Variants in BACH2 observed in about 807,000 individuals in gnomAD.
The protein encoded by BACH2 is transcription regulator protein BACH2.
BACH2 carries 5 observed loss-of-function variants against 61.8 expected under a neutral mutation model. The observed-to-expected ratio is 0.08, with a 90% confidence interval of 0.04 to 0.17. BACH2 has a LOEUF of 0.17. Among genes scored for constraint, BACH2 ranks in the 10% least tolerant of loss-of-function variants. The probability of loss-of-function intolerance (pLI) is 1.00; values close to 1 mark genes in which losing one functional copy is unlikely to be tolerated. For synonymous variants in BACH2, 446 were observed against 440.1 expected, an observed-to-expected ratio of 1.01 and a Z score of -0.17; for missense variants, 824 against 1,091.1, an observed-to-expected ratio of 0.76 and a Z score of 3.45.
chr6:90,034,359 T>C (rs1312669770), intron 5 of BACH2, among the ~76,000 whole-genome samples: 3 of 152,166 alleles, frequency 2.0e-5, no homozygotes, highest in Non-Finnish European at 4.4e-5. Flanking sequence ...AAAAGCTTTA[T>C]TGTACAGACT....
chr6:90,085,202 G>C (rs865903705), intron 5 of BACH2, among the ~76,000 whole-genome samples: 2 of 152,158 alleles, frequency 1.3e-5, no homozygotes, highest in African/African-American at 4.8e-5. Context: ...TTCACTTGGA[G>C]AATGTAAAAC....
intron 3 of BACH2, among the ~76,000 whole-genome samples, chr6:90,212,193 C>T (rs1483216115): frequency 6.6e-6 from 1 of 151,256 alleles, no homozygotes; most frequent in Admixed American, 6.6e-5. Context: ...AGACTTTCAA[C>T]TGAAAAAATA....
intron 2 of BACH2, among the ~76,000 whole-genome samples, chr6:90,260,103 T>C (rs1171012644): frequency 1.3e-5 from 2 of 152,130 alleles, no homozygotes; most frequent in Non-Finnish European, 2.9e-5. Context: ...CTGGTTTTAG[T>C]TTGTTCTTTT....
chr6:90,116,908 C>A (rs1454718783), intron 4 of BACH2: 5 of 526,534 alleles, frequency 9.5e-6, no homozygotes, highest in Non-Finnish European at 1.6e-5. Context: ...TCTGTCTTTT[C>A]TCTGACCATT....
At chr6:90,041,973 T>C (rs981228423) in intron 5 of BACH2, among the ~76,000 whole-genome samples, 1 of 152,200 alleles carries the variant, frequency 6.6e-6, no homozygotes, top group Non-Finnish European at 1.5e-5. Context: ...ATTTTTCTTA[T>C]TTGCCAAAAT....
At chr6:90,162,902 C>T (rs548896395) in intron 4 of BACH2, among the ~76,000 whole-genome samples, 1 of 152,310 alleles carries the variant, frequency 6.6e-6, no homozygotes, top group Non-Finnish European at 1.5e-5. Context: ...AATCTGCAAA[C>T]ACATCTAGTG....
chr6:90,042,541 T>C (rs923320113), intron 5 of BACH2, among the ~76,000 whole-genome samples: 1 of 152,008 alleles, frequency 6.6e-6, no homozygotes, highest in African/African-American at 2.4e-5. Flanking sequence ...ATTGACCAGG[T>C]GCACCAGGCA....
At chr6:90,147,389 T>C (rs1291578374) in intron 4 of BACH2, among the ~76,000 whole-genome samples, 2 of 152,208 alleles carry the variant, frequency 1.3e-5, no homozygotes, top group Admixed American at 6.5e-5. Flanking sequence ...TTCTCTGATC[T>C]GCTGTTCGCA....
At position 89,951,266 on chromosome 6, in the gene BACH2, GGGC is replaced by G; in HGVS notation, c.837_839del (p.Pro280del). 6.2e-7 allele frequency: 1 copy of G among 1,614,142 alleles called. No homozygotes were observed. The highest frequency in any genetic ancestry group is 8.5e-7 in the Non-Finnish European group (1 of 1,180,032). On this transcript the variant is annotated inframe_deletion, in exon 7 of 9. Coordinates refer to ENST00000257749, the MANE Select transcript of BACH2 (RefSeq NM_021813.4). The surrounding 1 kb of genome is among the most constrained non-coding windows in gnomAD (Gnocchi z 6.4). ...TGCTCTCTTCCTCATTCTCTTCACT[GGGC>G]GGCTCACTTTTAATCTGCCCCCTGG...
At chr6:90,236,806 G>A (rs1402368267) in intron 3 of BACH2, among the ~76,000 whole-genome samples, 1 of 152,134 alleles carries the variant, frequency 6.6e-6, no homozygotes, top group African/African-American at 2.4e-5. Flanking sequence ...TCACTGTTCA[G>A]CTACTTCTTG....
intron 5 of BACH2, among the ~76,000 whole-genome samples, chr6:90,077,313 T>A (rs1461642304): frequency 5.3e-5 from 8 of 152,160 alleles, no homozygotes; most frequent in Admixed American, 5.2e-4. Flanking sequence ...TATATGAGTG[T>A]GTACAGGGAA....
At chr6:90,242,024 CCT>C (rs1250856410) in intron 3 of BACH2, among the ~76,000 whole-genome samples, 4 of 151,724 alleles carry the variant, frequency 2.6e-5, no homozygotes, top group East Asian at 1.9e-4. Flanking sequence ...CCCCGTTTCC[CCT>C]GTTATTAACC....
At chr6:90,239,666 A>G (rs551427548) in intron 3 of BACH2, among the ~76,000 whole-genome samples, 2 of 152,234 alleles carry the variant, frequency 1.3e-5, no homozygotes, top group South Asian at 2.1e-4. Context: ...CTATATGACT[A>G]AGAGATGGAC....
chr6:90,099,551 T>C (rs1782527283), intron 4 of BACH2, among the ~76,000 whole-genome samples: 2 of 152,138 alleles, frequency 1.3e-5, no homozygotes, highest in Non-Finnish European at 2.9e-5. Context: ...GCTATGTTTT[T>C]TGTTTTTGTT....
intron 5 of BACH2, among the ~76,000 whole-genome samples, chr6:90,079,714 A>G (rs543555956): frequency 6.6e-6 from 1 of 152,308 alleles, no homozygotes; most frequent in East Asian, 1.9e-4. Flanking sequence ...TCTGATTTGT[A>G]TGACTCTTAT....
At position 90,232,108 on chromosome 6, in the gene BACH2, C is replaced by G. The variant is rs571194711; in HGVS notation, c.-275+20405G>C. On this transcript the variant is annotated intron_variant, in intron 3 of 8. Transcript: ENST00000257749. ...TTTATAACTGGAAGAGAGGAAAACA[C>G]TTATTACTGAAATCCAGATAATCAA... Among the ~76,000 whole-genome samples, 715 of 152,318 alleles carry G rather than the reference C, an allele frequency of 4.7e-3. 9 individuals carry two copies. The highest frequency in any genetic ancestry group is 0.017 in the African/African-American group (687 of 41,564).
intron 7 of BACH2, among the ~76,000 whole-genome samples, chr6:89,947,629 G>A (rs1386124414): frequency 1.3e-5 from 2 of 151,398 alleles, no homozygotes; most frequent in Non-Finnish European, 2.9e-5. Flanking sequence ...GCAGCGGCGC[G>A]ATCTCGGCTC....
chr6:90,098,512 T>C (rs1782476325), intron 4 of BACH2, among the ~76,000 whole-genome samples: 2 of 152,140 alleles, frequency 1.3e-5, no homozygotes, highest in South Asian at 2.1e-4. Flanking sequence ...AAGAGAAACA[T>C]TTAAATAACT....
chr6:89,969,760 G>C (rs1321284098), intron 6 of BACH2, among the ~76,000 whole-genome samples: 1 of 152,190 alleles, frequency 6.6e-6, no homozygotes, highest in African/African-American at 2.4e-5. Context: ...GATCTGTTGG[G>C]AAGAGGCTGA....
Sources: gnomAD v4.1 joint callset for allele counts (sites outside exome capture counted in the v4.1 genomes callset) on GRCh38, gnomAD v4.1.1 for gene constraint, Gnocchi (gnomAD v3.1) non-coding constraint, MANE v1.5 for transcripts, NCBI Gene and HGNC (gene_info 2026-07-23, HGNC 2026-07-21) for gene names.